Variants in TTC6 observed in about 807,000 individuals in gnomAD.
TTC6 encodes tetratricopeptide repeat protein 6.
Under a neutral mutation model 210.4 loss-of-function variants are expected in TTC6, and 172 were observed. That is an observed-to-expected ratio of 0.82 (90% CI 0.72 to 0.93). The LOEUF (loss-of-function observed/expected upper bound fraction) is 0.93, where lower values mean the gene tolerates loss of function less well. Ranked by LOEUF, TTC6 falls within the 40% of genes least tolerant of loss-of-function variation. The pLI, the probability that TTC6 is intolerant of heterozygous loss-of-function variation, is 0.00. For synonymous variants in TTC6, 804 were observed against 819.6 expected (o/e 0.98, Z 0.32); for missense variants, 2,414 against 2,318.1 (o/e 1.04, Z -0.85).
At chr14:37,655,061 G>A (rs1035597029) in intron 1 of TTC6, among the ~76,000 whole-genome samples, 9 of 152,262 alleles carry the variant, frequency 5.9e-5, no homozygotes, top group African/African-American at 1.9e-4. Flanking sequence ...GCTGCTCTTC[G>A]CATGTGCATT....
At chr14:37,632,601 A>G (rs1019133336) in intron 1 of TTC6, among the ~76,000 whole-genome samples, 6 of 152,104 alleles carry the variant, frequency 3.9e-5, no homozygotes, top group African/African-American at 1.4e-4. Flanking sequence ...GGGGTCAGGG[A>G]CCCACTTGAG....
chr14:37,797,458 T>C (rs1041538962), intron 20 of TTC6, among the ~76,000 whole-genome samples: 7 of 152,206 alleles, frequency 4.6e-5, no homozygotes, highest in African/African-American at 1.7e-4. Flanking sequence ...ACTCATATTT[T>C]CTGTTCTATC....
chr14:37,740,413 C>T (rs2138957411), intron 10 of TTC6, among the ~76,000 whole-genome samples: 1 of 152,026 alleles, frequency 6.6e-6, no homozygotes, highest in South Asian at 2.1e-4. Context: ...TTTAGATATC[C>T]CCAGACATCA....
At chr14:37,792,395 G>A (rs759969389) in exon 17 of TTC6, 124 of 1,509,164 alleles carry the variant, frequency 8.2e-5, no homozygotes, top group African/African-American at 5.5e-4. Flanking sequence ...TATCTTTGTC[G>A]GGCGGAAACC....
At chr14:37,649,411 C>G (rs2095707285) in intron 1 of TTC6, among the ~76,000 whole-genome samples, 1 of 152,116 alleles carries the variant, frequency 6.6e-6, no homozygotes, top group African/African-American at 2.4e-5. Flanking sequence ...AGCCCCTAGC[C>G]CAGGGACCCC....
At chr14:37,827,294 T>G in exon 29 of TTC6, 1 of 1,613,354 alleles carries the variant, frequency 6.2e-7, no homozygotes, top group Non-Finnish European at 8.5e-7. Flanking sequence ...ATGCAATTAC[T>G]CTAAACCCCA....
At chr14:37,786,671 C>T (rs557773512) in intron 14 of TTC6, among the ~76,000 whole-genome samples, 3 of 152,306 alleles carry the variant, frequency 2.0e-5, no homozygotes, top group Admixed American at 1.3e-4. Context: ...GAGATGAACC[C>T]GGTACCTCAG....
chr14:37,769,716 G>C (rs756540000), intron 14 of TTC6, among the ~76,000 whole-genome samples: 61,048 of 149,410 alleles, frequency 0.41, 13,628 homozygotes, highest in Non-Finnish European at 0.5. Context: ...AGTCTTGCTA[G>C]TAGTCTATCA....
chr14:37,614,926 T>C (rs1002955909), intron 2 of TTC6, among the ~76,000 whole-genome samples: 2 of 152,120 alleles, frequency 1.3e-5, no homozygotes, highest in African/African-American at 2.4e-5. Flanking sequence ...TTAGTATTTT[T>C]AGTACAGATG....
At chr14:37,752,609 A>G (rs1009746673) in intron 13 of TTC6, among the ~76,000 whole-genome samples, 4 of 151,850 alleles carry the variant, frequency 2.6e-5, no homozygotes, top group African/African-American at 9.7e-5. Context: ...TAATTGATAT[A>G]TGATTTAGTC....
intron 23 of TTC6, among the ~76,000 whole-genome samples, chr14:37,807,739 G>T (rs2096121754): frequency 6.6e-6 from 1 of 151,944 alleles, no homozygotes; most frequent in South Asian, 2.1e-4. Flanking sequence ...ATATGGAAGG[G>T]AATAAAGGAT....
At chr14:37,746,113 T>C (rs2095935163) in intron 10 of TTC6, among the ~76,000 whole-genome samples, 2 of 152,202 alleles carry the variant, frequency 1.3e-5, no homozygotes, top group Non-Finnish European at 2.9e-5. Context: ...TTGCTTATTG[T>C]GGTCATTGTA....
rs763365851 is a variant in TTC6, at chr14:37,809,126, T to C, written c.4569+280T>C. ...GTGCTCACCAAATTTTCTTATATAATTTCTGAAAGAAGTCAAATGAAAAAT... is the reference window on the plus strand; with the variant it reads ...GTGCTCACCAAATTTTCTTATATAACTTCTGAAAGAAGTCAAATGAAAAAT... On this transcript the variant is annotated intron_variant, in intron 24 of 30. Transcript: ENST00000553443. Among the ~76,000 whole-genome samples the C allele has an allele frequency of 2.0e-4, 30 of 152,282 alleles. No individual in the cohort carries two copies. The South Asian group carries it at 3.1e-3, about 16-fold the overall frequency.
intron 6 of TTC6, among the ~76,000 whole-genome samples, chr14:37,716,994 T>C (rs2095853779): frequency 6.6e-6 from 1 of 151,876 alleles, no homozygotes; most frequent in Non-Finnish European, 1.5e-5. Context: ...AAATAATCTA[T>C]AGGTTAAAGA....
rs370668709 is a variant in TTC6 at position 37,744,340 on chromosome 14, C to T, written c.2364-4599C>T. On this transcript the variant is annotated intron_variant, in intron 10 of 30. Transcript: ENST00000553443. ...GTAAACAAATAACATTAGGAAGTGA[C>T]AAATGTAATGAAGAAAATAAAGCAG... Among the ~76,000 whole-genome samples, 44 of 152,168 alleles carry T rather than the reference C, an allele frequency of 2.9e-4. No homozygotes were observed. In the East Asian group the frequency reaches 4.3e-3, roughly 15 times the overall value.
Position 37,749,784 on chromosome 14 carries a change from AAATT to A in TTC6, c.2901_2904del (p.Ile967MetfsTer7). On this transcript the variant is annotated frameshift_variant, in exon 12 of 31. Transcript: ENST00000553443. LOFTEE classifies it high-confidence loss of function. Reference sequence around the variant, plus strand: ...CATTTAATTTATCTTTTCCAAGACAAAATTAATGAAGCTTTGGATGACTTGAATT... The same window carrying A: ...CATTTAATTTATCTTTTCCAAGACAAAATGAAGCTTTGGATGACTTGAATT... The A allele has an allele frequency of 1.4e-6, 2 of 1,466,232 alleles. No individual in the cohort carries two copies. The highest frequency in any genetic ancestry group is 1.8e-6 in the Non-Finnish European group (2 of 1,109,394). The allele number at this position is 1,466,232 out of a possible 1,614,324, so 90.8% of individuals were successfully genotyped here. A position where few individuals can be genotyped will look rare whatever the true frequency, so the allele number is the denominator to read the frequency against.
At chr14:37,833,027 T>A (rs2139025980) in intron 29 of TTC6, among the ~76,000 whole-genome samples, 2 of 141,362 alleles carry the variant, frequency 1.4e-5, no homozygotes, top group Middle Eastern at 3.6e-3. Context: ...CACTGCACTC[T>A]GGCCTGGTGA....
chr14:37,741,273 CTTTTTTTTTTTTTTTTTTTTTTTTTT>C (rs10600031), intron 10 of TTC6, among the ~76,000 whole-genome samples: 1 of 82,278 alleles, frequency 1.2e-5, no homozygotes, highest in Non-Finnish European at 2.1e-5. Flanking sequence ...TTTTTTCCCA[CTTTTTTTTTTTTTTTTTTTTTTTTTT>C]TTTTTTTTTT....
At chr14:37,700,084 A>T (rs2095822057) in intron 4 of TTC6, among the ~76,000 whole-genome samples, 1 of 152,174 alleles carries the variant, frequency 6.6e-6, no homozygotes, top group African/African-American at 2.4e-5. Context: ...GGGTCAGAAG[A>T]GAACATGACC....
Sources: gnomAD v4.1 joint callset for allele counts (sites outside exome capture counted in the v4.1 genomes callset) on GRCh38, gnomAD v4.1.1 for gene constraint, MANE v1.5 for transcripts, NCBI Gene and HGNC (gene_info 2026-07-23, HGNC 2026-07-21) for gene names.